Variants in FBL observed in about 807,000 individuals in gnomAD.
FBL encodes rRNA 2'-O-methyltransferase fibrillarin.
In FBL, 10 loss-of-function variants were observed where a neutral mutation model predicts 42.2. The ratio of observed to expected loss-of-function variants is 0.24; its 90% CI spans 0.15 to 0.40. The LOEUF is 0.40. Ranked by LOEUF, FBL falls within the 10% of genes least tolerant of loss-of-function variation. The pLI is 1.00. For missense variants in FBL, 351 were observed against 439.2 expected (o/e 0.80, Z 1.79); for synonymous variants, 165 against 165.4 (o/e 1.00, Z 0.02).
Position 39,846,326 on chromosome 19 carries a change from GGAGTCCGCGGCGTTCACAACTCCAC to G in FBL, c.-51_-27del. 3 of 1,612,730 alleles carry G rather than the reference GGAGTCCGCGGCGTTCACAACTCCAC, an allele frequency of 1.9e-6. No homozygotes were observed. Among genetic ancestry groups the G allele is most frequent in the Non-Finnish European group, 2.5e-6 (3 of 1,179,454 alleles). On this transcript the variant is annotated 5_prime_UTR_variant, in exon 1 of 9. Transcript: ENST00000221801. The stretch of plus-strand genomic sequence containing the variant: ...GGCGAGCCCTGGTTTGTGCGGCTCC[GGAGTCCGCGGCGTTCACAACTCCAC>G]GAGTCCGGGGCTTTCGCACGTGGAA...
chr19:39,840,733 C>T lies in FBL; in HGVS notation c.65G>A (p.Gly22Asp). 1 of 1,576,146 alleles carries T rather than the reference C, an allele frequency of 6.3e-7. No homozygotes were observed. Among genetic ancestry groups the T allele is most frequent in the Non-Finnish European group, 8.6e-7 (1 of 1,161,110 alleles). ...AAAGCCCCCTCGGCCTCCACGACCA[C>T]CACGGTCACCAAAGCCCCCTCGGCC... ...FGGRGGFGDR[G>D]GRGGRGGFGG... is the part of the protein sequence containing the mutation. The change falls in exon 2 of 9, where the codon GGT (glycine) becomes GAT (aspartate). Residue 22 changes from glycine (G) to aspartate (D), a missense_variant. Coordinates refer to ENST00000221801, the MANE Select transcript of FBL (RefSeq NM_001436.4). The surrounding 1 kb of genome is among the most constrained non-coding windows in gnomAD (Gnocchi z 4.5).
intron 7 of FBL, among the ~76,000 whole-genome samples, chr19:39,835,247 G>A (rs1033106061): frequency 3.9e-5 from 6 of 152,224 alleles, no homozygotes; most frequent in African/African-American, 1.2e-4. Context: ...AAGGCTGGGC[G>A]TGGTGGCTCA....
chr19:39,843,935 G>A (rs1487961031), intron 1 of FBL, among the ~76,000 whole-genome samples: 2 of 152,114 alleles, frequency 1.3e-5, no homozygotes. Context: ...TGTACCAAAA[G>A]TACCCATTCC....
intron 6 of FBL, among the ~76,000 whole-genome samples, chr19:39,837,490 AAGG>A (rs1411309478): frequency 6.6e-6 from 1 of 152,120 alleles, no homozygotes; most frequent in East Asian, 1.9e-4. Context: ...GAGGAGACTG[AAGG>A]AGAAGAGGTT....
chr19:39,834,750 G>C lies in FBL; in HGVS notation c.859C>G (p.Gln287Glu), dbSNP rs147629626. Residue 287 changes from glutamine (Q) to glutamate (E), a missense_variant, in exon 8 of 9, where the codon CAA becomes GAA. By Grantham distance (29) the Gln-to-Glu change is conservative (BLOSUM62 2). Transcript: ENST00000221801. The part of the protein sequence containing the change: ...AVFASEVKKM[Q>E]QENMKPQEQL... ...TCCTGCGGCTTCATGTTCTCCTGTT[G>C]CATCTTTTTCACTTCGGAGGCAAAC... The C allele has an allele frequency of 3.7e-6, 6 of 1,614,062 alleles. No homozygotes were observed. The highest frequency in any genetic ancestry group is 1.7e-5 in the Admixed American group (1 of 60,010).
Position 39,834,556 on chromosome 19 carries a change from GGGT to G in FBL, c.945_947del (p.Pro317del). ...CTGAACTTCAGTTCTTCACCTTGGG[GGGT>G]GGCCTGTGAGAGGAAGATAGGTGAT... is the stretch of plus-strand genomic sequence containing the variant. On this transcript the variant is annotated inframe_deletion, in exon 9 of 9. Coordinates refer to ENST00000221801, the MANE Select transcript of FBL (RefSeq NM_001436.4). The G allele has an allele frequency of 6.2e-7, 1 of 1,614,126 alleles. No homozygotes were observed. The highest frequency in any genetic ancestry group is 8.5e-7 in the Non-Finnish European group (1 of 1,180,024).
Position 39,839,042 on chromosome 19 carries a change from A to G in FBL, c.542T>C (p.Val181Ala), listed in dbSNP as rs763731384. The change falls in exon 5 of 9, where the codon GTT (valine) becomes GCT (alanine). Residue 181 changes from valine (V) to alanine (A), a missense_variant. Coordinates refer to ENST00000221801, the MANE Select transcript of FBL (RefSeq NM_001436.4). ...CTCCATCTACTCACTCACCGGACCA[A>G]CGATGTCAGAGACATGGGAGACCGT... ...GTTVSHVSDI[V>A]GPDGLVYAVE... The G allele has an allele frequency of 2.1e-5, 34 of 1,610,658 alleles. No homozygotes were observed. The highest frequency in any genetic ancestry group is 2.7e-5 in the Non-Finnish European group (32 of 1,178,528).
At chr19:39,834,856 C>T in intron 7 of FBL, 43 bp from the exon 8 acceptor site, 1 of 1,605,292 alleles carries the variant, frequency 6.2e-7, no homozygotes, top group Non-Finnish European at 8.5e-7. Flanking sequence ...GGGCTTTGGG[C>T]TGTTTTTCTC....
intron 4 of FBL, 130 bp from the exon 5 acceptor site, chr19:39,839,335 C>T (rs1969112756): frequency 1.4e-6 from 1 of 698,718 alleles, no homozygotes; most frequent in African/African-American, 1.8e-5. Flanking sequence ...GAGTAAAGAG[C>T]AGTGACCATG....
rs557848543 is a variant in FBL at position 39,841,188 on chromosome 19, C to G, written c.11-401G>C. On this transcript the variant is annotated intron_variant, in intron 1 of 8. Transcript: ENST00000221801. ...CTGGGCTCAAGCAATTCTCCTGCCT[C>G]GGTCTCTGAAGTAGCTAGATTACAG... is the stretch of plus-strand genomic sequence containing the variant. Among the ~76,000 whole-genome samples the G allele has an allele frequency of 5.3e-5, 8 of 152,218 alleles. No homozygotes were observed. In the South Asian group the frequency reaches 1.7e-3, roughly 32 times the overall value.
At chr19:39,842,259 TG>T (rs1253565282) in intron 1 of FBL, among the ~76,000 whole-genome samples, 3 of 152,138 alleles carry the variant, frequency 2.0e-5, no homozygotes, top group Non-Finnish European at 2.9e-5. Context: ...CTAATTTTTT[TG>T]TATTTTTAGT....
At position 39,840,772 on chromosome 19, in the gene FBL, C is replaced by T. The variant is rs1229333977; in HGVS notation, c.26G>A (p.Gly9Glu). 1 of 1,559,492 alleles carries T rather than the reference C, an allele frequency of 6.4e-7. No individual in the cohort carries two copies. The highest frequency in any genetic ancestry group is 8.7e-7 in the Non-Finnish European group (1 of 1,152,046). ...GCCCCCTCGGCCGCCAAAGCCACCC[C>T]CACGGGGACTGAATCCTGTGGGGGA... MKPGFSPR[G>E]GGFGGRGGFG... Residue 9 changes from glycine (G) to glutamate (E), a missense_variant, in exon 2 of 9, where the codon GGG (glycine) becomes GAG (glutamate). Transcript: ENST00000221801. The surrounding 1 kb of genome is among the most constrained non-coding windows in gnomAD (Gnocchi z 4.5).
chr19:39,841,859 A>G (rs1274777793), intron 1 of FBL, among the ~76,000 whole-genome samples: 2 of 152,248 alleles, frequency 1.3e-5, no homozygotes, highest in Non-Finnish European at 2.9e-5. Context: ...TTTAAGAAAT[A>G]ACAGACTCAG....
At chr19:39,841,694 C>T (rs1969167289) in intron 1 of FBL, among the ~76,000 whole-genome samples, 1 of 152,196 alleles carries the variant, frequency 6.6e-6, no homozygotes, top group South Asian at 2.1e-4. Flanking sequence ...GAGGGGAATA[C>T]AGGATGATGT....
intron 1 of FBL, among the ~76,000 whole-genome samples, chr19:39,843,330 C>A (rs1010534311): frequency 7.9e-5 from 12 of 152,316 alleles, no homozygotes; most frequent in African/African-American, 2.9e-4. Context: ...AGAAAGCACA[C>A]AATCCATCAG....
At chr19:39,835,633 T>G (rs1969029273) in intron 7 of FBL, among the ~76,000 whole-genome samples, 1 of 152,296 alleles carries the variant, frequency 6.6e-6, no homozygotes, top group Non-Finnish European at 1.5e-5. Flanking sequence ...AAAGGCTTAA[T>G]GAAAGTTTTT....
Position 39,834,730 on chromosome 19 carries a change from C to T in FBL, c.879G>A (p.Pro293=), listed in dbSNP as rs778358482. 3.1e-6 allele frequency: 5 copies of T among 1,614,188 alleles called. No homozygotes were observed. Among genetic ancestry groups the T allele is most frequent in the Admixed American group, 1.7e-5 (1 of 60,030 alleles). Reference sequence around the variant, plus strand: ...ATGGCTCAAGGGTCAACTGCTCCTGCGGCTTCATGTTCTCCTGTTGCATCT... The same window carrying T: ...ATGGCTCAAGGGTCAACTGCTCCTGTGGCTTCATGTTCTCCTGTTGCATCT... ...VKKMQQENMK[P]QEQLTLEPYE... is the part of the protein sequence containing the mutation. Residue 293 remains proline, a synonymous_variant, in exon 8 of 9, where the codon CCG becomes CCA. Transcript: ENST00000221801.
intron 1 of FBL, among the ~76,000 whole-genome samples, chr19:39,842,387 T>G (rs1388622825): frequency 6.6e-6 from 1 of 152,176 alleles, no homozygotes; most frequent in African/African-American, 2.4e-5. Context: ...CGCCCAGCCT[T>G]GCTCATGTTT....
Position 39,840,797 on chromosome 19 carries a change from A to T in FBL, c.11-10T>A. ...CCACGGGGACTGAATCCTGTGGGGGAAACAAAACAGGAGTCAGGGCAATGA... is the reference window on the plus strand; with the variant it reads ...CCACGGGGACTGAATCCTGTGGGGGTAACAAAACAGGAGTCAGGGCAATGA... On this transcript the variant is annotated splice_polypyrimidine_tract_variant and intron_variant, in intron 1 of 8. Transcript: ENST00000221801. The surrounding 1 kb of genome is among the most constrained non-coding windows in gnomAD (Gnocchi z 4.5). 6.5e-7 allele frequency: 1 copy of T among 1,533,022 alleles called. No homozygotes were observed. Among genetic ancestry groups the T allele is most frequent in the Non-Finnish European group, 8.8e-7 (1 of 1,138,100 alleles). 95.0% of individuals were successfully genotyped at this position (1,533,022 alleles called of 1,614,324 possible).
Sources: allele counts gnomAD v4.1 joint callset (sites outside exome capture counted in the v4.1 genomes callset), GRCh38; gene constraint gnomAD v4.1.1; non-coding constraint Gnocchi (gnomAD v3.1); transcripts MANE v1.5; gene names NCBI Gene and HGNC (gene_info 2026-07-23, HGNC 2026-07-21).